Variants in WDFY2 observed in about 807,000 individuals in gnomAD.
WDFY2 encodes the protein WD repeat and FYVE domain-containing protein 2.
In WDFY2, 36 loss-of-function variants were observed where a neutral mutation model predicts 56.4. The ratio of observed to expected loss-of-function variants is 0.64; its 90% CI spans 0.49 to 0.84. WDFY2 has a LOEUF of 0.84. WDFY2 is among the 40% of genes least tolerant of loss of function. The pLI, the probability that WDFY2 is intolerant of heterozygous loss-of-function variation, is 0.00. For missense variants in WDFY2, 444 were observed against 512.2 expected, an observed-to-expected ratio of 0.87 and a Z score of 1.29; for synonymous variants, 176 against 183.7, an observed-to-expected ratio of 0.96 and a Z score of 0.34.
intron 3 of WDFY2, among the ~76,000 whole-genome samples, chr13:51,681,623 T>A (rs1955978030): frequency 6.6e-6 from 1 of 152,164 alleles, no homozygotes; most frequent in South Asian, 2.1e-4. Context: ...CAGCGTTAAG[T>A]AGACATTTTC....
At chr13:51,650,793 A>G (rs1181220832) in intron 1 of WDFY2, among the ~76,000 whole-genome samples, 1 of 152,032 alleles carries the variant, frequency 6.6e-6, no homozygotes, top group Non-Finnish European at 1.5e-5. Context: ...AAGCTTTTTG[A>G]TGTGTTGCTG....
At chr13:51,682,167 G>T (rs2138519294) in intron 3 of WDFY2, among the ~76,000 whole-genome samples, 1 of 152,272 alleles carries the variant, frequency 6.6e-6, no homozygotes, top group South Asian at 2.1e-4. Flanking sequence ...GTGAGTGGTG[G>T]ATTGAAGTCA....
Position 51,717,441 on chromosome 13 carries a change from C to T in WDFY2, c.335-1757C>T, listed in dbSNP as rs574714169. Among the ~76,000 whole-genome samples the T allele has an allele frequency of 2.0e-5, 3 of 152,178 alleles. No individual in the cohort carries two copies. The South Asian group carries it at 6.2e-4, about 32-fold the overall frequency. On this transcript the variant is annotated intron_variant, in intron 4 of 11. Coordinates refer to ENST00000298125, the MANE Select transcript of WDFY2 (RefSeq NM_052950.4). ...GCAAGCCACTTAACATTTCTAGCCT[C>T]TGCCTCCTCTGGCACAGGAAGGCTG... is the stretch of plus-strand genomic sequence containing the variant.
intron 1 of WDFY2, among the ~76,000 whole-genome samples, chr13:51,613,054 C>T (rs1031248777): frequency 1.3e-5 from 2 of 151,700 alleles, no homozygotes; most frequent in Non-Finnish European, 2.9e-5. Flanking sequence ...AAGCTGCAGC[C>T]ATGTGCGGTG....
At chr13:51,736,218 A>G (rs1952831928) in intron 6 of WDFY2, among the ~76,000 whole-genome samples, 1 of 152,156 alleles carries the variant, frequency 6.6e-6, no homozygotes. Flanking sequence ...GTTTATATAT[A>G]TTAACCCAAT....
At chr13:51,686,427 T>G (rs2138530465) in intron 3 of WDFY2, among the ~76,000 whole-genome samples, 1 of 152,268 alleles carries the variant, frequency 6.6e-6, no homozygotes, top group Admixed American at 6.5e-5. Context: ...TTAGATAAGG[T>G]TAATTTTATC....
chr13:51,685,500 A>G (rs1314063930), intron 3 of WDFY2, among the ~76,000 whole-genome samples: 1 of 152,178 alleles, frequency 6.6e-6, no homozygotes, highest in Admixed American at 6.6e-5. Flanking sequence ...TGTATGTTAT[A>G]TTTATTATAT....
At chr13:51,740,611 G>T (rs1487141921) in intron 7 of WDFY2, among the ~76,000 whole-genome samples, 3 of 152,004 alleles carry the variant, frequency 2.0e-5, no homozygotes, top group Non-Finnish European at 4.4e-5. Flanking sequence ...CTACTCGGGA[G>T]GCTGAGGCAG....
intron 1 of WDFY2, among the ~76,000 whole-genome samples, chr13:51,656,410 G>A (rs940105378): frequency 7.2e-5 from 11 of 151,960 alleles, no homozygotes; most frequent in African/African-American, 2.7e-4. Flanking sequence ...CAGCCTAACA[G>A]CTGAGCAATC....
chr13:51,689,156 C>T (rs1956107494), intron 3 of WDFY2, among the ~76,000 whole-genome samples: 1 of 152,138 alleles, frequency 6.6e-6, no homozygotes. Context: ...TCCCTTCCAT[C>T]CTCTTGGGAG....
At chr13:51,710,137 G>A (rs1371363053) in intron 4 of WDFY2, among the ~76,000 whole-genome samples, 6 of 152,156 alleles carry the variant, frequency 3.9e-5, no homozygotes, top group South Asian at 2.1e-4. Flanking sequence ...TTCAACATAC[G>A]CAAATCAATA....
At chr13:51,620,247 A>G (rs973177071) in intron 1 of WDFY2, among the ~76,000 whole-genome samples, 5 of 152,208 alleles carry the variant, frequency 3.3e-5, no homozygotes, top group Non-Finnish European at 7.4e-5. Flanking sequence ...GTGTGGGTGG[A>G]TGGAATCCAT....
At position 51,606,426 on chromosome 13, in the gene WDFY2, T is replaced by C. The variant is rs530008180; in HGVS notation, c.137+21602T>C. On this transcript the variant is annotated intron_variant, in intron 1 of 11. Transcript: ENST00000298125. ...ATTGCTTTTTTTATCTAAAGTGATA[T>C]ATCCAGGTTAGATGCTTTTATAACT... Among the ~76,000 whole-genome samples, 8 of 152,312 alleles carry C rather than the reference T, an allele frequency of 5.3e-5. No homozygotes were observed. The East Asian group carries it at 1.5e-3, about 29-fold the overall frequency.
chr13:51,614,186 CAA>C (rs771044291), intron 1 of WDFY2, among the ~76,000 whole-genome samples: 270 of 60,936 alleles, frequency 4.4e-3, no homozygotes, highest in African/African-American at 8.8e-3. Flanking sequence ...ACTCGGTCTC[CAA>C]AAAAAAAAAA....
At chr13:51,735,154 C>T (rs1275559409) in intron 6 of WDFY2, among the ~76,000 whole-genome samples, 2 of 152,202 alleles carry the variant, frequency 1.3e-5, no homozygotes, top group Admixed American at 1.3e-4. Context: ...CATCTCTGAT[C>T]CTGATGTCTT....
chr13:51,660,739 G>A, intron 2 of WDFY2, 76 bp downstream of exon 2: 1 of 1,305,724 alleles, frequency 7.7e-7, no homozygotes, highest in Admixed American at 1.8e-5. Context: ...TTCTTCTTAA[G>A]TAGAGAAGAC....
At chr13:51,602,666 G>A (rs1954309178) in intron 1 of WDFY2, among the ~76,000 whole-genome samples, 1 of 152,218 alleles carries the variant, frequency 6.6e-6, no homozygotes, top group Non-Finnish European at 1.5e-5. Flanking sequence ...CTACCTAGCT[G>A]CAAGGAAGGA....
chr13:51,753,906 G>A (rs557897474), intron 8 of WDFY2, among the ~76,000 whole-genome samples: 35 of 150,748 alleles, frequency 2.3e-4, no homozygotes, highest in African/African-American at 7.8e-4. Flanking sequence ...TCAACATGGC[G>A]AAACCCTGTC....
At chr13:51,734,370 T>C (rs1049707370) in intron 6 of WDFY2, among the ~76,000 whole-genome samples, 1 of 152,184 alleles carries the variant, frequency 6.6e-6, no homozygotes, top group Non-Finnish European at 1.5e-5. Context: ...GTAAAAATAT[T>C]CATCTTAGAA....
Sources: gnomAD v4.1 joint callset for allele counts (sites outside exome capture counted in the v4.1 genomes callset) on GRCh38, gnomAD v4.1.1 for gene constraint, MANE v1.5 for transcripts, NCBI Gene and HGNC (gene_info 2026-07-23, HGNC 2026-07-21) for gene names.